Variants in PREPL observed in about 807,000 individuals in gnomAD.
PREPL encodes prolyl endopeptidase like.
A neutral mutation model predicts 70.6 loss-of-function variants in PREPL; 77 were observed. That is an observed-to-expected ratio of 1.09 (90% CI 0.91 to 1.32). PREPL has a LOEUF of 1.32. PREPL is among the 40% of genes most tolerant of loss of function. PREPL has a pLI of 0.00. For missense variants in PREPL, 1,002 were observed against 778.2 expected (o/e 1.29, Z -3.42); for synonymous variants, 315 against 264.8 (o/e 1.19, Z -1.84).
chr2:44,351,460 C>T (rs539409647), intron 1 of PREPL, among the ~76,000 whole-genome samples: 1 of 151,664 alleles, frequency 6.6e-6, no homozygotes, highest in East Asian at 1.9e-4. Flanking sequence ...GTCTAATATG[C>T]CAAAAAATGT....
At chr2:44,344,405 T>A (rs1474666157) in intron 3 of PREPL, 115 bp downstream of exon 3, 29 of 843,000 alleles carry the variant, frequency 3.4e-5, no homozygotes, top group African/African-American at 3.5e-5. Flanking sequence ...TAAAAAAAAA[T>A]TCAGAAATAA....
intron 1 of PREPL, among the ~76,000 whole-genome samples, chr2:44,351,020 T>G (rs901592224): frequency 3.3e-5 from 5 of 151,982 alleles, no homozygotes; most frequent in African/African-American, 1.2e-4. Context: ...CCTCCTGGGT[T>G]CAAGCGATTC....
intron 10 of PREPL, among the ~76,000 whole-genome samples, chr2:44,325,684 CCA>C (rs1673423970): frequency 6.6e-6 from 1 of 151,986 alleles, no homozygotes; most frequent in Non-Finnish European, 1.5e-5. Flanking sequence ...AGGCTATTCT[CCA>C]CATTTTTCTG....
intron 8 of PREPL, among the ~76,000 whole-genome samples, chr2:44,329,317 T>G (rs1051462661): frequency 2.6e-5 from 4 of 152,210 alleles, no homozygotes; most frequent in African/African-American, 9.6e-5. Flanking sequence ...CCTACAGTAT[T>G]AACCAGAAAA....
At chr2:44,323,900 T>C (rs571735356) in intron 10 of PREPL, among the ~76,000 whole-genome samples, 18 of 152,290 alleles carry the variant, frequency 1.2e-4, no homozygotes, top group African/African-American at 3.9e-4. Context: ...AAGATTACCA[T>C]ATGATCCAGC....
chr2:44,339,032 A>G (rs568698181), intron 6 of PREPL, 115 bp downstream of exon 6: 3 of 1,477,640 alleles, frequency 2.0e-6, no homozygotes, highest in East Asian at 2.4e-5. Context: ...TTGGTTATAC[A>G]TAGGAAGGTG....
At position 44,320,355 on chromosome 2, in the gene PREPL, ATCTT is replaced by A; in HGVS notation, c.*997_*1000del. The A allele has an allele frequency of 6.2e-7, 1 of 1,614,126 alleles. No individual in the cohort carries two copies. Among genetic ancestry groups the A allele is most frequent in the Non-Finnish European group, 8.5e-7 (1 of 1,179,976 alleles). ...AAGAGAGCTGGATGGCATCGACAGA[ATCTT>A]TATCGTGGTTCTGAATTTTGGAGAA... On this transcript the variant is annotated 3_prime_UTR_variant, in exon 14 of 14. Transcript: ENST00000409411.
rs200436145 is a variant in PREPL, at chr2:44,320,349, G to A, written c.*1007C>T. 135 of 1,614,078 alleles carry A rather than the reference G, an allele frequency of 8.4e-5. No individual in the cohort carries two copies. In the African/African-American group the frequency reaches 1.3e-3, roughly 16 times the overall value. On this transcript the variant is annotated 3_prime_UTR_variant, in exon 14 of 14. Transcript: ENST00000409411. The stretch of plus-strand genomic sequence containing the variant: ...GTACACAAGAGAGCTGGATGGCATC[G>A]ACAGAATCTTTATCGTGGTTCTGAA...
At chr2:44,328,863 G>C in intron 9 of PREPL, 74 bp downstream of exon 9, 3 of 1,367,980 alleles carry the variant, frequency 2.2e-6, no homozygotes, top group East Asian at 2.4e-5. Context: ...TTTGTTCCCT[G>C]ATATATATTG....
intron 1 of PREPL, chr2:44,360,594 A>G (rs1016467662): frequency 6.6e-5 from 10 of 152,320 alleles, no homozygotes; most frequent in Middle Eastern, 3.4e-3. Flanking sequence ...TTGATTGCTA[A>G]TAAGTAGTTA....
chr2:44,323,330 G>A lies in PREPL; in HGVS notation c.1561C>T (p.Pro521Ser). 6.2e-7 allele frequency: 1 copy of A among 1,604,546 alleles called. No individual in the cohort carries two copies. Among genetic ancestry groups the A allele is most frequent in the Non-Finnish European group, 8.5e-7 (1 of 1,171,730 alleles). Residue 521 changes from proline (P) to serine (S), a missense_variant, in exon 11 of 14, where the codon CCT becomes TCT. Transcript: ENST00000409411. ...TTCTTGTGTTTTTCATCAGATGAAG[G>A]ATTCCCCCATTCTTCTAATTCTTCT... is the stretch of plus-strand genomic sequence containing the variant. ...TLEELEEWGN[P>S]SSDEKHKNYI...
intron 1 of PREPL, chr2:44,360,040 T>G: frequency 4.6e-6 from 1 of 215,294 alleles, no homozygotes; most frequent in Non-Finnish European, 9.2e-6. Context: ...GGGGTTAAAC[T>G]AAAACAAAAA....
chr2:44,355,032 T>C (rs570654122), intron 1 of PREPL, among the ~76,000 whole-genome samples: 2 of 152,316 alleles, frequency 1.3e-5, no homozygotes, highest in African/African-American at 4.8e-5. Flanking sequence ...GGAACAACAC[T>C]CTAATCAAAT....
At chr2:44,338,286 TTC>T in intron 7 of PREPL, 63 bp downstream of exon 7, 1 of 1,393,992 alleles carries the variant, frequency 7.2e-7, no homozygotes, top group Middle Eastern at 2.4e-4. Flanking sequence ...AAATGTGATG[TTC>T]TGTTAAGCTA....
intron 1 of PREPL, among the ~76,000 whole-genome samples, chr2:44,361,071 G>C (rs912112447): frequency 1.3e-5 from 2 of 152,190 alleles, no homozygotes; most frequent in African/African-American, 4.8e-5. Flanking sequence ...GACCTGCAAA[G>C]GTCCTACATC....
In PREPL at chr2:44,319,926, A is replaced by G; in HGVS notation, c.*1430T>C. 1 of 382,892 alleles carries G rather than the reference A, an allele frequency of 2.6e-6. No individual in the cohort carries two copies. The allele number at this position is 382,892 out of a possible 1,614,324, so 23.7% of individuals were successfully genotyped here. On this transcript the variant is annotated 3_prime_UTR_variant, in exon 14 of 14. Coordinates refer to ENST00000409411, the MANE Select transcript of PREPL (RefSeq NM_001171613.2). Reference sequence around the variant, plus strand: ...ATTTGCTTTGGGACTCCTAAAGTGGAGTCAAATTTGATCTCTACAGAAACT... The same window carrying G: ...ATTTGCTTTGGGACTCCTAAAGTGGGGTCAAATTTGATCTCTACAGAAACT...
chr2:44,339,303 G>C lies in PREPL; in HGVS notation c.546C>G (p.Asn182Lys). 3.7e-6 allele frequency: 6 copies of C among 1,613,966 alleles called. No homozygotes were observed. Among genetic ancestry groups the C allele is most frequent in the Non-Finnish European group, 5.1e-6 (6 of 1,179,966 alleles). ...TCAACCACACTTCAGAAGTAGTCTT[G>C]TTCATAATATTTATGGTGAGGAAAC... ...DSRFLTINIMNKTTSEVWLID... is the reference protein window; with the variant it reads ...DSRFLTINIMKKTTSEVWLID... The change falls in exon 6 of 14, where the codon AAC becomes AAG. Residue 182 changes from asparagine (N) to lysine (K), a missense_variant. Transcript: ENST00000409411.
intron 1 of PREPL, among the ~76,000 whole-genome samples, chr2:44,353,493 C>G (rs1242766125): frequency 6.6e-6 from 1 of 151,180 alleles, no homozygotes; most frequent in Non-Finnish European, 1.5e-5. Flanking sequence ...GGGGCCTTGG[C>G]AGGAGAATTG....
intron 2 of PREPL, 106 bp from the exon 3 acceptor site, chr2:44,344,692 C>G (rs1675596240): frequency 2.6e-6 from 2 of 759,048 alleles, no homozygotes; most frequent in Non-Finnish European, 4.1e-6. Flanking sequence ...AAAAACAGAC[C>G]TGTTGAAGTA....
Sources: gnomAD v4.1 joint callset for allele counts (sites outside exome capture counted in the v4.1 genomes callset) on GRCh38, gnomAD v4.1.1 for gene constraint, MANE v1.5 for transcripts, NCBI Gene and HGNC (gene_info 2026-07-23, HGNC 2026-07-21) for gene names.